LRP5: variants seen among roughly 807,000 people sequenced by gnomAD.
LRP5 encodes the protein low-density lipoprotein receptor-related protein 5.
In LRP5, 62 loss-of-function variants were observed where a neutral mutation model predicts 154.1. The observed-to-expected ratio is 0.40, with a 90% CI of 0.33 to 0.50. LRP5 has a LOEUF of 0.50. Among genes scored for constraint, LRP5 ranks in the 20% least tolerant of loss-of-function variants. The pLI is 0.55. For synonymous variants in LRP5, 966 were observed against 1,011.5 expected, an observed-to-expected ratio of 0.96 and a Z score of 0.85; for missense variants, 1,915 against 2,336.7, an observed-to-expected ratio of 0.82 and a Z score of 3.72.
intron 7 of LRP5, among the ~76,000 whole-genome samples, chr11:68,394,793 C>A (rs2098648336): frequency 6.6e-6 from 1 of 152,136 alleles, no homozygotes; most frequent in South Asian, 2.1e-4. Flanking sequence ...TCTGTCTGTA[C>A]ATCCTCAAAG....
intron 2 of LRP5, among the ~76,000 whole-genome samples, chr11:68,351,432 G>T (rs1006213731): frequency 1.6e-4 from 25 of 152,266 alleles, no homozygotes; most frequent in African/African-American, 6.0e-4. Context: ...GGGTCGGCTG[G>T]TGTAGCAGTG....
At chr11:68,444,571 C>G (rs1172530681) in intron 21 of LRP5, among the ~76,000 whole-genome samples, 2 of 116,806 alleles carry the variant, frequency 1.7e-5, no homozygotes, top group African/African-American at 7.1e-5. Flanking sequence ...CCAGCCCCCA[C>G]CCCCCACCCC....
rs17149104 is a variant in LRP5, at chr11:68,425,162, C to A, written c.3297C>A (p.Asp1099Glu). 6.2e-7 allele frequency: 1 copy of A among 1,613,656 alleles called. No individual in the cohort carries two copies. The highest frequency in any genetic ancestry group is 8.5e-7 in the Non-Finnish European group (1 of 1,179,990). The change falls in exon 15 of 23, where the codon GAC becomes GAA. Residue 1099 changes from aspartate (D) to glutamate (E), a missense_variant. Around this residue, in one of 3 missense-constraint regions of LRP5, gnomAD observed 1,094 missense variants for 1,210.1 expected, o/e 0.90. Coordinates refer to ENST00000294304, the MANE Select transcript of LRP5 (RefSeq NM_002335.4). The stretch of plus-strand genomic sequence containing the variant: ...CCAAGATCGAACGCGCAGCCCTGGA[C>A]GGCACCGAGCGCGAGGTCCTCTTCA... ...RAAKIERAAL[D>E]GTEREVLFTT...
chr11:68,444,088 C>T (rs1004769215), intron 21 of LRP5, among the ~76,000 whole-genome samples: 1 of 152,056 alleles, frequency 6.6e-6, no homozygotes, highest in Non-Finnish European at 1.5e-5. Context: ...TTATGGGTGG[C>T]GTGAATTAGT....
At chr11:68,440,364 G>A (rs2098677534) in intron 21 of LRP5, among the ~76,000 whole-genome samples, 1 of 152,218 alleles carries the variant, frequency 6.6e-6, no homozygotes, top group South Asian at 2.1e-4. Context: ...ACAAACACAG[G>A]GTGATTTTCG....
At chr11:68,434,130 C>T (rs2098673517) in intron 18 of LRP5, among the ~76,000 whole-genome samples, 1 of 152,136 alleles carries the variant, frequency 6.6e-6, no homozygotes, top group Non-Finnish European at 1.5e-5. Flanking sequence ...CTGCAGAGGT[C>T]CATGGCTCAC....
intron 1 of LRP5, among the ~76,000 whole-genome samples, chr11:68,340,790 A>G (rs2098608487): frequency 6.6e-6 from 1 of 152,208 alleles, no homozygotes; most frequent in South Asian, 2.1e-4. Context: ...TAAAAACTAT[A>G]TATTTACCAG....
chr11:68,413,741 G>A lies in LRP5; in HGVS notation c.2556G>A (p.Thr852=), dbSNP rs769361598. Residue 852 remains threonine (T), a synonymous_variant, in exon 12 of 23, where the codon ACG becomes ACA. Coordinates refer to ENST00000294304, the MANE Select transcript of LRP5 (RefSeq NM_002335.4). This position sits in a 1 kb window ranked among gnomAD's most constrained non-coding sequence, Gnocchi z 5.1. The part of the protein sequence containing the change: ...ADDLPHPFGL[T]QYSDYIYWTD... ...ATCTCCCGCACCCGTTCGGTCTGAC[G>A]CAGTACAGCGATTATATCTACTGGA... 20 of 1,613,730 alleles carry A rather than the reference G, an allele frequency of 1.2e-5. No individual in the cohort carries two copies. The highest frequency in any genetic ancestry group is 8.3e-5 in the Admixed American group (5 of 60,004).
intron 10 of LRP5, among the ~76,000 whole-genome samples, chr11:68,411,001 T>G (rs2098659095): frequency 6.6e-6 from 1 of 152,118 alleles, no homozygotes; most frequent in Admixed American, 6.5e-5. Flanking sequence ...GAGGGGCTGC[T>G]GGGGGAGGAG....
In LRP5 at chr11:68,415,710, C is replaced by G. The variant is rs2098662177; in HGVS notation, c.2828-618C>G. Among the ~76,000 whole-genome samples, 2 of 68,282 alleles carry G rather than the reference C, an allele frequency of 2.9e-5. 1 individual carries two copies. Among genetic ancestry groups the G allele is most frequent in the African/African-American group, 7.0e-5 (2 of 28,436 alleles). 44.8% of individuals were successfully genotyped at this position (68,282 alleles called of 152,430 possible). On this transcript the variant is annotated intron_variant, in intron 12 of 22. Transcript: ENST00000294304. ...CAAGTGAGCTCATTTTGTGCCACTG[C>G]ACTCCAGCCTGGGCAACAAGAGCGA...
At chr11:68,409,156 A>G (rs1372236298) in intron 9 of LRP5, among the ~76,000 whole-genome samples, 1 of 136,400 alleles carries the variant, frequency 7.3e-6, no homozygotes, top group East Asian at 2.0e-4. Context: ...TATATAATAT[A>G]TAATATAAAA....
intron 12 of LRP5, among the ~76,000 whole-genome samples, chr11:68,414,387 G>A (rs1045142243): frequency 2.0e-5 from 3 of 152,100 alleles, no homozygotes; most frequent in African/African-American, 4.8e-5. Flanking sequence ...CCCATTTCAC[G>A]TACAAGGAAC....
intron 7 of LRP5, among the ~76,000 whole-genome samples, chr11:68,398,783 T>C (rs1037369016): frequency 3.9e-5 from 6 of 152,142 alleles, no homozygotes. Context: ...TCACCCAGGC[T>C]GGAGTGCAGT....
chr11:68,374,469 G>A (rs764350698), intron 5 of LRP5, among the ~76,000 whole-genome samples: 13 of 152,228 alleles, frequency 8.5e-5, no homozygotes, highest in Non-Finnish European at 1.8e-4. Context: ...AAGAAAATCA[G>A]CTCACACGGT....
At chr11:68,310,927 G>A (rs75127400), upstream of LRP5, among the ~76,000 whole-genome samples, 6 of 151,980 alleles carry the variant, frequency 3.9e-5, no homozygotes, top group African/African-American at 1.5e-4. Flanking sequence ...AAGAAGTGTG[G>A]TTGGAGCAGG....
Position 68,324,229 on chromosome 11 carries a change from G to A in LRP5, c.91+11424G>A, listed in dbSNP as rs1180953243. On this transcript the variant is annotated intron_variant, in intron 1 of 22. Coordinates refer to ENST00000294304, the MANE Select transcript of LRP5 (RefSeq NM_002335.4). Reference sequence around the variant, plus strand: ...GGAGCAGGTGACTACCTGGCTGCGGGCGGAACAGCAGGCCATGGCTCTGGT... The same window carrying A: ...GGAGCAGGTGACTACCTGGCTGCGGACGGAACAGCAGGCCATGGCTCTGGT... Among the ~76,000 whole-genome samples the A allele has an allele frequency of 2.6e-5, 4 of 152,264 alleles. No homozygotes were observed. In the East Asian group the frequency reaches 7.7e-4, roughly 29 times the overall value.
intron 1 of LRP5, among the ~76,000 whole-genome samples, chr11:68,315,185 C>G (rs1199452837): frequency 1.3e-5 from 2 of 152,202 alleles, no homozygotes; most frequent in Non-Finnish European, 2.9e-5. Context: ...TTATCTCACC[C>G]CGTTCCTCTC....
chr11:68,426,085 C>A lies in LRP5; in HGVS notation c.3535C>A (p.Arg1179Ser), dbSNP rs780585577. Reference protein sequence around the residue: ...WIDRQQQMIERVEKTTGDKRT... With the variant: ...WIDRQQQMIESVEKTTGDKRT... Reference sequence around the variant, plus strand: ...CGACCGCCAGCAGCAGATGATCGAGCGTGTGGAGAAGACCACCGGGGACAA... The same window carrying A: ...CGACCGCCAGCAGCAGATGATCGAGAGTGTGGAGAAGACCACCGGGGACAA... Residue 1179 changes from arginine to serine, a missense_variant, in exon 16 of 23, where the codon CGT (arginine) becomes AGT (serine). Around this residue, in one of 3 missense-constraint regions of LRP5, gnomAD observed 1,094 missense variants for 1,210.1 expected, o/e 0.90. Transcript: ENST00000294304. 2.5e-6 allele frequency: 4 copies of A among 1,613,606 alleles called. No homozygotes were observed. In the South Asian group the frequency reaches 4.4e-5, roughly 18 times the overall value.
chr11:68,409,228 T>A (rs1591292614), intron 9 of LRP5, among the ~76,000 whole-genome samples: 1 of 136,588 alleles, frequency 7.3e-6, no homozygotes, highest in Non-Finnish European at 1.5e-5. Flanking sequence ...ATATATAATA[T>A]AAAATATATA....
Sources: gnomAD v4.1 joint callset for allele counts (sites outside exome capture counted in the v4.1 genomes callset) on GRCh38, gnomAD v4.1.1 for gene constraint, gnomAD v4.1.1 regional missense constraint, Gnocchi (gnomAD v3.1) non-coding constraint, MANE v1.5 for transcripts, NCBI Gene and HGNC (gene_info 2026-07-23, HGNC 2026-07-21) for gene names.